The following L3MBTL3 variants were observed in gnomAD, a reference collection of about 807,000 sequenced individuals.
L3MBTL3 encodes the protein L3MBTL histone methyl-lysine binding protein 3, also known as lethal(3)malignant brain tumor-like protein 3.
L3MBTL3 carries 27 observed loss-of-function variants against 102.3 expected under a neutral mutation model. The ratio of observed to expected loss-of-function variants is 0.26; its 90% CI spans 0.19 to 0.36. L3MBTL3 has a LOEUF of 0.36. Ranked by LOEUF, L3MBTL3 falls within the 10% of genes least tolerant of loss-of-function variation. The pLI is 1.00. For synonymous variants in L3MBTL3, 340 were observed against 320.9 expected (o/e 1.06, Z -0.64); for missense variants, 798 against 955.3 (o/e 0.84, Z 2.17).
intron 12 of L3MBTL3, among the ~76,000 whole-genome samples, chr6:130,069,123 G>A (rs1782464931): frequency 6.6e-6 from 1 of 152,094 alleles, no homozygotes; most frequent in African/African-American, 2.4e-5. Context: ...GATTTAATTC[G>A]CCTTTCACGC....
At chr6:130,084,464 T>G (rs1783551605) in intron 15 of L3MBTL3, among the ~76,000 whole-genome samples, 1 of 152,180 alleles carries the variant, frequency 6.6e-6, no homozygotes, top group African/African-American at 2.4e-5. Context: ...GAATTAATTA[T>G]GAGGTATAGG....
In L3MBTL3 at chr6:130,088,820, T is replaced by G. The variant is rs957199790; in HGVS notation, c.1518+2570T>G. Among the ~76,000 whole-genome samples, 3 of 152,338 alleles carry G rather than the reference T, an allele frequency of 2.0e-5. No individual in the cohort carries two copies. The East Asian group carries it at 5.8e-4, about 29-fold the overall frequency. ...AATATGGTTTATTTTCTTCATGTTGTGGTAATTCAAGATTTAGATCTTGCC... is the reference window on the plus strand; with the variant it reads ...AATATGGTTTATTTTCTTCATGTTGGGGTAATTCAAGATTTAGATCTTGCC... On this transcript the variant is annotated intron_variant, in intron 16 of 22. Transcript: ENST00000361794.
At chr6:130,048,113 T>C (rs1281247117) in intron 3 of L3MBTL3, among the ~76,000 whole-genome samples, 1 of 152,244 alleles carries the variant, frequency 6.6e-6, no homozygotes, top group African/African-American at 2.4e-5. Context: ...TTGATACTTT[T>C]TGTTGAAGAG....
chr6:130,060,218 G>A (rs1781801478), intron 10 of L3MBTL3, 78 bp downstream of exon 10: 1 of 809,806 alleles, frequency 1.2e-6, no homozygotes, highest in Admixed American at 2.6e-5. Flanking sequence ...ACTGCCATTG[G>A]TTGTATTTCA....
At chr6:130,123,719 A>G (rs747354377) in intron 20 of L3MBTL3, among the ~76,000 whole-genome samples, 2 of 152,166 alleles carry the variant, frequency 1.3e-5, no homozygotes, top group Non-Finnish European at 2.9e-5. Context: ...ACCATTTTGT[A>G]TGAAAGAGAT....
At chr6:130,052,583 G>A (rs1454633819) in intron 6 of L3MBTL3, among the ~76,000 whole-genome samples, 24 of 152,138 alleles carry the variant, frequency 1.6e-4, no homozygotes, top group Admixed American at 1.6e-3. Flanking sequence ...CAAATAACTT[G>A]TTAGAACCTA....
At chr6:130,119,636 C>T (rs1365205408) in intron 19 of L3MBTL3, among the ~76,000 whole-genome samples, 1 of 152,054 alleles carries the variant, frequency 6.6e-6, no homozygotes, top group Non-Finnish European at 1.5e-5. Flanking sequence ...TAATGATTCT[C>T]CCCCATTTTC....
intron 20 of L3MBTL3, among the ~76,000 whole-genome samples, chr6:130,132,039 G>A (rs1008435611): frequency 2.6e-5 from 4 of 152,128 alleles, no homozygotes; most frequent in Non-Finnish European, 5.9e-5. Context: ...TGGTTCAAAC[G>A]CCTCTGACAA....
intron 3 of L3MBTL3, among the ~76,000 whole-genome samples, chr6:130,044,034 G>A (rs1312844988): frequency 1.3e-5 from 2 of 152,144 alleles, no homozygotes; most frequent in East Asian, 3.8e-4. Flanking sequence ...TGAATGCCAA[G>A]CGTTTTGCTT....
Position 130,053,687 on chromosome 6 carries a change from T to C in L3MBTL3, c.582+696T>C, listed in dbSNP as rs916307146. Among the ~76,000 whole-genome samples, 6 of 142,216 alleles carry C rather than the reference T, an allele frequency of 4.2e-5. No homozygotes were observed. The South Asian group carries it at 1.2e-3, about 28-fold the overall frequency. The allele number at this position is 142,216 out of a possible 152,430, so 93.3% of individuals were successfully genotyped here. On this transcript the variant is annotated intron_variant, in intron 7 of 22. Coordinates refer to ENST00000361794, the MANE Select transcript of L3MBTL3 (RefSeq NM_032438.4). Reference sequence around the variant, plus strand: ...GAGTGGTTAAAAAATGGCACACAAATATCAGGTATATTTGGGGAAAAGCCA... The same window carrying C: ...GAGTGGTTAAAAAATGGCACACAAACATCAGGTATATTTGGGGAAAAGCCA...
chr6:130,136,219 G>A (rs1188535698), intron 22 of L3MBTL3, among the ~76,000 whole-genome samples: 1 of 152,152 alleles, frequency 6.6e-6, no homozygotes, highest in Non-Finnish European at 1.5e-5. Flanking sequence ...AGGTTACCCT[G>A]CTGAAACATA....
chr6:130,112,613 A>G (rs953391866), intron 19 of L3MBTL3, among the ~76,000 whole-genome samples: 4 of 152,178 alleles, frequency 2.6e-5, no homozygotes, highest in Admixed American at 6.5e-5. Flanking sequence ...CCTACCAGTC[A>G]CCAGAGAGGG....
chr6:130,068,361 C>T lies in L3MBTL3; in HGVS notation c.1032C>T (p.Thr344=), dbSNP rs1270687525. The T allele has an allele frequency of 1.9e-6, 3 of 1,602,976 alleles. No homozygotes were observed. Among genetic ancestry groups the T allele is most frequent in the African/African-American group, 1.3e-5 (1 of 74,782 alleles). ...AAGAAGAAGAATTCAATTGGCAGAC[C>T]TATCTTAAGACATGTAAAGCTCAAG... The part of the protein sequence containing the change: ...GYKEEEFNWQ[T]YLKTCKAQAA... Residue 344 remains threonine (T), a synonymous_variant, in exon 12 of 23, where the codon ACC becomes ACT. Transcript: ENST00000361794.
intron 10 of L3MBTL3, among the ~76,000 whole-genome samples, chr6:130,063,313 TG>T: frequency 6.6e-6 from 1 of 151,774 alleles, no homozygotes. Flanking sequence ...ATGGAGAAAG[TG>T]GGATTAGAAG....
intron 8 of L3MBTL3, among the ~76,000 whole-genome samples, chr6:130,056,633 G>A (rs982917344): frequency 3.3e-5 from 5 of 152,160 alleles, no homozygotes; most frequent in Non-Finnish European, 5.9e-5. Flanking sequence ...AAATTCCTCA[G>A]TTCCTCTGCA....
Position 130,049,766 on chromosome 6 carries a change from T to TC in L3MBTL3, c.230dup (p.Ser78GlufsTer44), listed in dbSNP as rs767328555. The TC allele has an allele frequency of 1.9e-6, 3 of 1,613,708 alleles. No homozygotes were observed. Among genetic ancestry groups the TC allele is most frequent in the Middle Eastern group, 1.6e-4 (1 of 6,084 alleles). On this transcript the variant is annotated frameshift_variant, in exon 5 of 23. Coordinates refer to ENST00000361794, the MANE Select transcript of L3MBTL3 (RefSeq NM_032438.4). LOFTEE classifies it high-confidence loss of function. Reference sequence around the variant, plus strand: ...AATCTACATCTCCAGCCCCGACCTCTCCCCCGAGCTCCAGGCCCGTATTTC... The same window carrying TC: ...AATCTACATCTCCAGCCCCGACCTCTCCCCCCGAGCTCCAGGCCCGTATTTC...
intron 22 of L3MBTL3, among the ~76,000 whole-genome samples, chr6:130,135,466 A>G (rs1459562705): frequency 6.6e-6 from 1 of 152,154 alleles, no homozygotes; most frequent in African/African-American, 2.4e-5. Flanking sequence ...ATAATAAAGC[A>G]TTTTTGAAAA....
At chr6:130,027,341 A>T (rs879438606) in intron 2 of L3MBTL3, among the ~76,000 whole-genome samples, 1 of 152,168 alleles carries the variant, frequency 6.6e-6, no homozygotes, top group Non-Finnish European at 1.5e-5. Flanking sequence ...AATTTTGTGG[A>T]ATTAAGCTAA....
chr6:130,032,079 A>G (rs1050008189), intron 2 of L3MBTL3, among the ~76,000 whole-genome samples: 2 of 151,830 alleles, frequency 1.3e-5, no homozygotes, highest in Admixed American at 6.6e-5. Flanking sequence ...TGCCTGGCTG[A>G]TTTTTGCATT....
Sources: gnomAD v4.1 joint callset for allele counts (sites outside exome capture counted in the v4.1 genomes callset) on GRCh38, gnomAD v4.1.1 for gene constraint, MANE v1.5 for transcripts, NCBI Gene and HGNC (gene_info 2026-07-23, HGNC 2026-07-21) for gene names.